Variants in RFX4 observed in about 807,000 individuals in gnomAD.
RFX4 encodes transcription factor RFX4.
A neutral mutation model predicts 95.0 loss-of-function variants in RFX4; 10 were observed. That is an observed-to-expected ratio of 0.11 (90% confidence interval 0.06 to 0.18). The LOEUF is 0.18. RFX4 is among the 10% of genes least tolerant of loss of function. The probability of loss-of-function intolerance (pLI) is 1.00; values close to 1 mark genes in which losing one functional copy is unlikely to be tolerated. For synonymous variants in RFX4, 321 were observed against 340.7 expected, an observed-to-expected ratio of 0.94 and a Z score of 0.64; for missense variants, 640 against 922.0, an observed-to-expected ratio of 0.69 and a Z score of 3.96.
At chr12:106,639,063 T>C (rs948822804) in intron 2 of RFX4, among the ~76,000 whole-genome samples, 1 of 152,154 alleles carries the variant, frequency 6.6e-6, no homozygotes. Context: ...ATCACATTGC[T>C]CAGTGATAAA....
chr12:106,668,972 C>T (rs1397145209), intron 4 of RFX4, among the ~76,000 whole-genome samples: 1 of 152,160 alleles, frequency 6.6e-6, no homozygotes, highest in African/African-American at 2.4e-5. Flanking sequence ...CAAAAATATA[C>T]CTTCTGAAAT....
At chr12:106,686,343 G>A (rs866135966) in intron 5 of RFX4, among the ~76,000 whole-genome samples, 4 of 151,358 alleles carry the variant, frequency 2.6e-5, no homozygotes, top group Non-Finnish European at 4.4e-5. Context: ...CCCGGGAGGC[G>A]TGGAGGTTCA....
At chr12:106,622,155 G>A (rs80347982) in intron 2 of RFX4, among the ~76,000 whole-genome samples, 20,431 of 151,878 alleles carry the variant, frequency 0.13, 1,505 homozygotes, top group African/African-American at 0.17. Flanking sequence ...CCTGACTCTT[G>A]TCCAAATAAA....
At chr12:106,732,083 C>A in intron 13 of RFX4, 47 bp from the exon 14 acceptor site, 1 of 1,603,056 alleles carries the variant, frequency 6.2e-7, no homozygotes, top group Non-Finnish European at 8.5e-7. Context: ...AGGGGGCATA[C>A]ACGAGACAGC....
intron 14 of RFX4, 109 bp from the exon 15 acceptor site, chr12:106,732,815 C>T (rs2042638283): frequency 3.6e-6 from 4 of 1,102,060 alleles, no homozygotes; most frequent in Non-Finnish European, 5.2e-6. Context: ...AAGAGTTTGA[C>T]AAGAGAGTGA....
At chr12:106,596,208 A>G (rs7304298) in intron 1 of RFX4, among the ~76,000 whole-genome samples, 112,384 of 152,074 alleles carry the variant, frequency 0.74, 41,800 homozygotes, top group East Asian at 0.96. Flanking sequence ...ATTGAATCAC[A>G]GGAGCAGGTC....
At chr12:106,601,121 G>A in intron 1 of RFX4, 5 of 1,425,290 alleles carry the variant, frequency 3.5e-6, no homozygotes, top group Non-Finnish European at 3.7e-6. Flanking sequence ...GCAGCCCCTG[G>A]GGCAGGACCT....
intron 13 of RFX4, among the ~76,000 whole-genome samples, chr12:106,724,700 TAAAAAAAC>T (rs1386609338): frequency 6.6e-6 from 1 of 151,980 alleles, no homozygotes; most frequent in Admixed American, 6.6e-5. Flanking sequence ...GATGTTCACT[TAAAAAAAC>T]AACAACAAAA....
At chr12:106,607,312 C>G (rs12314774) in intron 1 of RFX4, among the ~76,000 whole-genome samples, 4,185 of 152,162 alleles carry the variant, frequency 0.028, 178 homozygotes, top group African/African-American at 0.095. Context: ...AGATAGAAAC[C>G]TAATAAAAAT....
chr12:106,732,351 G>T lies in RFX4; in HGVS notation c.1471+102G>T, dbSNP rs2042629096. On this transcript the variant is annotated intron_variant, in intron 14 of 17. Transcript: ENST00000392842. Reference sequence around the variant, plus strand: ...TTAACTCTGTATCTCAAAGAATTTAGTTATGGTGAACAGGTTAAGTGGTAT... The same window carrying T: ...TTAACTCTGTATCTCAAAGAATTTATTTATGGTGAACAGGTTAAGTGGTAT... 11 of 1,486,352 alleles carry T rather than the reference G, an allele frequency of 7.4e-6. No individual in the cohort carries two copies. The Admixed American group carries it at 1.5e-4, about 21-fold the overall frequency. The allele number at this position is 1,486,352 out of a possible 1,614,324, so 92.1% of individuals were successfully genotyped here.
At chr12:106,700,358 T>TA (rs60943834) in intron 8 of RFX4, among the ~76,000 whole-genome samples, 1 of 150,996 alleles carries the variant, frequency 6.6e-6, no homozygotes, top group Admixed American at 6.6e-5. Context: ...AAATACCTCT[T>TA]AAAAAAAATT....
intron 4 of RFX4, chr12:106,681,155 G>A (rs2041500162): frequency 1.3e-5 from 2 of 152,178 alleles, no homozygotes; most frequent in Admixed American, 1.3e-4. Flanking sequence ...ATCATCCTCT[G>A]CTCTGCAGAC....
At chr12:106,644,608 A>G (rs1565962088) in intron 3 of RFX4, among the ~76,000 whole-genome samples, 1 of 152,142 alleles carries the variant, frequency 6.6e-6, no homozygotes, top group East Asian at 1.9e-4. Context: ...CTCACGGAAC[A>G]TCTTCGTGTG....
chr12:106,634,248 G>T (rs765474149), intron 2 of RFX4, among the ~76,000 whole-genome samples: 3 of 152,118 alleles, frequency 2.0e-5, no homozygotes, highest in Non-Finnish European at 2.9e-5. Flanking sequence ...CAGCTCAAGT[G>T]CCGTCTCCTA....
chr12:106,619,960 A>G (rs902235947), intron 2 of RFX4, among the ~76,000 whole-genome samples: 10 of 151,922 alleles, frequency 6.6e-5, no homozygotes, highest in African/African-American at 2.2e-4. Flanking sequence ...CTTGATTGAT[A>G]TTCTCCATTT....
At chr12:106,714,262 T>C (rs553958937) in intron 10 of RFX4, among the ~76,000 whole-genome samples, 1 of 152,150 alleles carries the variant, frequency 6.6e-6, no homozygotes, top group South Asian at 2.1e-4. Flanking sequence ...GTTAATCTAC[T>C]TGCCTGCCCC....
intron 3 of RFX4, among the ~76,000 whole-genome samples, chr12:106,653,337 G>C (rs757352998): frequency 6.6e-6 from 1 of 152,346 alleles, no homozygotes; most frequent in East Asian, 1.9e-4. Context: ...GAGGAAGAAC[G>C]AATCATGAGG....
At chr12:106,737,065 C>G (rs940477015) in intron 15 of RFX4, among the ~76,000 whole-genome samples, 3 of 151,864 alleles carry the variant, frequency 2.0e-5, no homozygotes, top group Non-Finnish European at 4.4e-5. Flanking sequence ...TTTCCCTCAC[C>G]CTCCAAGTTA....
chr12:106,715,657 CTCCTTATTGT>C (rs1036266618), intron 11 of RFX4, 113 bp downstream of exon 11: 31 of 1,230,558 alleles, frequency 2.5e-5, no homozygotes, highest in South Asian at 7.1e-5. Context: ...GCATCTCTTC[CTCCTTATTGT>C]TCCTTATTGT....
Sources: gnomAD v4.1 joint callset for allele counts (sites outside exome capture counted in the v4.1 genomes callset) on GRCh38, gnomAD v4.1.1 for gene constraint, MANE v1.5 for transcripts, NCBI Gene and HGNC (gene_info 2026-07-23, HGNC 2026-07-21) for gene names.